Variants in PGM1 observed in about 807,000 individuals in gnomAD.
PGM1 encodes the protein phosphoglucomutase-1.
In PGM1, 52 loss-of-function variants were observed where a neutral mutation model predicts 55.6. That is an observed-to-expected ratio of 0.94 (90% CI 0.75 to 1.18). PGM1 has a LOEUF of 1.18. Among genes scored for constraint, PGM1 ranks in the 50% most tolerant of loss-of-function variants. The pLI, the probability that PGM1 is intolerant of heterozygous loss-of-function variation, is 0.00. For missense variants in PGM1, 724 were observed against 729.3 expected (o/e 0.99, Z 0.08); for synonymous variants, 287 against 271.7 (o/e 1.06, Z -0.55).
chr1:63,635,565 T>A (rs979002463), intron 5 of PGM1, among the ~76,000 whole-genome samples: 1 of 152,224 alleles, frequency 6.6e-6, no homozygotes, highest in Non-Finnish European at 1.5e-5. Context: ...AAGAGATGTG[T>A]CTTAGGTTTA....
In PGM1 at chr1:63,593,506, A is replaced by T; in HGVS notation, c.18A>T (p.Thr6=). 3.1e-6 allele frequency: 5 copies of T among 1,613,796 alleles called. No individual in the cohort carries two copies. The highest frequency in any genetic ancestry group is 3.4e-6 in the Non-Finnish European group (4 of 1,179,910). Residue 6 remains threonine (T), a synonymous_variant, in exon 1 of 11, where the codon ACA becomes ACT. Coordinates refer to ENST00000371084, the MANE Select transcript of PGM1 (RefSeq NM_002633.3). ...TCGCCACCATGGTGAAGATCGTGAC[A>T]GTTAAGACCCAGGCGTACCAGGACC... The part of the protein sequence containing the change: MVKIV[T]VKTQAYQDQK...
intron 7 of PGM1, among the ~76,000 whole-genome samples, chr1:63,646,808 G>A (rs1461246391): frequency 6.6e-6 from 1 of 152,020 alleles, no homozygotes; most frequent in African/African-American, 2.4e-5. Flanking sequence ...TATACTAATT[G>A]GTTGGGTGTA....
At chr1:63,624,459 T>A (rs945605503) in intron 1 of PGM1, among the ~76,000 whole-genome samples, 3 of 152,152 alleles carry the variant, frequency 2.0e-5, no homozygotes, top group African/African-American at 7.2e-5. Context: ...ATTAAGCAAA[T>A]GAGAAGGAAT....
At chr1:63,638,635 C>T in intron 6 of PGM1, 50 bp from the exon 7 acceptor site, 1 of 1,229,746 alleles carries the variant, frequency 8.1e-7, no homozygotes, top group Non-Finnish European at 1.2e-6. Context: ...CCTCACATGG[C>T]CACGCTAACA....
chr1:63,655,796 A>G (rs571631785), intron 10 of PGM1: 10 of 152,566 alleles, frequency 6.6e-5, no homozygotes, highest in African/African-American at 2.4e-4. Flanking sequence ...CTACTCAGGA[A>G]GCTGAGGCAG....
chr1:63,654,517 T>A, intron 10 of PGM1, 51 bp downstream of exon 10: 1 of 1,590,478 alleles, frequency 6.3e-7, no homozygotes, highest in Non-Finnish European at 8.6e-7. Context: ...AAGGGAATGA[T>A]AGTTTCCCAT....
intron 1 of PGM1, among the ~76,000 whole-genome samples, chr1:63,600,467 G>A (rs998344510): frequency 1.3e-5 from 2 of 152,040 alleles, no homozygotes; most frequent in African/African-American, 4.8e-5. Flanking sequence ...TTAGGTTCTC[G>A]GTACTACGGA....
At chr1:63,623,461 A>T in intron 1 of PGM1, 1 of 1,611,540 alleles carries the variant, frequency 6.2e-7, no homozygotes, top group Non-Finnish European at 8.5e-7. Context: ...GAAGTGAAGG[A>T]TGAGTGATTT....
chr1:63,609,805 T>C (rs1225439399), intron 1 of PGM1, among the ~76,000 whole-genome samples: 1 of 152,184 alleles, frequency 6.6e-6, no homozygotes, highest in Non-Finnish European at 1.5e-5. Context: ...TTAGGCTTTG[T>C]GTTCAATGAT....
intron 7 of PGM1, among the ~76,000 whole-genome samples, chr1:63,640,716 A>G (rs1649493020): frequency 6.6e-6 from 1 of 152,162 alleles, no homozygotes; most frequent in Admixed American, 6.5e-5. Flanking sequence ...CTCTTACACA[A>G]CAGGCCTTCA....
intron 1 of PGM1, chr1:63,623,445 T>C: frequency 5.6e-6 from 9 of 1,608,612 alleles, no homozygotes; most frequent in Non-Finnish European, 7.6e-6. Context: ...ACTGAGCCAG[T>C]CGGTGGAAGT....
At chr1:63,600,474 C>T (rs188433093) in intron 1 of PGM1, among the ~76,000 whole-genome samples, 5 of 152,220 alleles carry the variant, frequency 3.3e-5, no homozygotes, top group Non-Finnish European at 5.9e-5. Context: ...CTCGGTACTA[C>T]GGATACAACA....
Position 63,636,274 on chromosome 1 carries a change from A to G in PGM1, c.914A>G (p.Asn305Ser). 6.2e-7 allele frequency: 1 copy of G among 1,614,074 alleles called. No homozygotes were observed. Among genetic ancestry groups the G allele is most frequent in the Non-Finnish European group, 8.5e-7 (1 of 1,179,986 alleles). The change falls in exon 6 of 11, where the codon AAC (asparagine) becomes AGC (serine). Residue 305 changes from asparagine to serine, a missense_variant. Around this residue, in one of 3 missense-constraint regions of PGM1, gnomAD observed 29 missense variants for 58.7 expected, o/e 0.49. Coordinates refer to ENST00000371084, the MANE Select transcript of PGM1 (RefSeq NM_002633.3). ...MILGKHGFFV[N>S]PSDSVAVIAA... The stretch of plus-strand genomic sequence containing the variant: ...CTGGGCAAGCATGGGTTCTTTGTGA[A>G]CCCTTCAGACTCTGTGGCTGTCATT...
chr1:63,648,907 T>A (rs1382379270), intron 8 of PGM1, among the ~76,000 whole-genome samples: 2 of 152,374 alleles, frequency 1.3e-5, no homozygotes, highest in East Asian at 3.9e-4. Flanking sequence ...ATTTTAAATG[T>A]GTCCATTGGG....
chr1:63,634,765 C>A, intron 4 of PGM1, 64 bp from the exon 5 acceptor site: 1 of 1,388,698 alleles, frequency 7.2e-7, no homozygotes, highest in Non-Finnish European at 1.0e-6. Flanking sequence ...ACCCCTGAAT[C>A]CTCACATACT....
intron 6 of PGM1, among the ~76,000 whole-genome samples, chr1:63,637,717 C>T (rs1265142433): frequency 1.3e-5 from 2 of 152,148 alleles, no homozygotes; most frequent in Non-Finnish European, 2.9e-5. Context: ...TATGTTAGGC[C>T]TGTCAGGTCC....
At chr1:63,623,408 T>A in intron 1 of PGM1, 2 of 1,574,852 alleles carry the variant, frequency 1.3e-6, no homozygotes, top group Non-Finnish European at 1.7e-6. Flanking sequence ...TATTTTGGAG[T>A]CCCTTGACTG....
At chr1:63,623,839 G>T in intron 1 of PGM1, 2 of 958,844 alleles carry the variant, frequency 2.1e-6, no homozygotes, top group Non-Finnish European at 3.1e-6. Flanking sequence ...AACGTACAAG[G>T]ATTTATATGT....
chr1:63,623,434 C>T (rs1648936474), intron 1 of PGM1: 2 of 1,604,848 alleles, frequency 1.2e-6, no homozygotes, highest in Non-Finnish European at 1.7e-6. Context: ...TGGACACCCT[C>T]ACTGAGCCAG....
Sources: allele counts gnomAD v4.1 joint callset (sites outside exome capture counted in the v4.1 genomes callset), GRCh38; gene constraint gnomAD v4.1.1; regional missense constraint gnomAD v4.1.1; transcripts MANE v1.5; gene names NCBI Gene and HGNC (gene_info 2026-07-23, HGNC 2026-07-21).